The following RORA variants were observed in gnomAD, a reference collection of about 807,000 sequenced individuals.
RORA encodes nuclear receptor ROR-alpha.
A neutral mutation model predicts 69.5 loss-of-function variants in RORA; 7 were observed. The observed-to-expected ratio is 0.10, with a 90% CI of 0.06 to 0.19. RORA has a LOEUF of 0.19. RORA is among the 10% of genes least tolerant of loss of function. The pLI is 1.00. For missense variants in RORA, 457 were observed against 663.0 expected (o/e 0.69, Z 3.41); for synonymous variants, 261 against 240.8 (o/e 1.08, Z -0.78).
intron 3 of RORA, among the ~76,000 whole-genome samples, 189 bp from the exon 4 acceptor site, chr15:60,514,946 G>A (rs553172808): frequency 8.5e-5 from 13 of 152,210 alleles, no homozygotes; most frequent in East Asian, 5.8e-4. Context: ...GATCCCCAGA[G>A]CCTAATCCTC....
chr15:61,076,226 C>T (rs1434642114), intron 1 of RORA, among the ~76,000 whole-genome samples: 1 of 152,112 alleles, frequency 6.6e-6, no homozygotes, highest in South Asian at 2.1e-4. Flanking sequence ...AGGGTAGGGC[C>T]AAAGAATATG....
chr15:60,834,519 A>C (rs931564451), intron 1 of RORA, among the ~76,000 whole-genome samples: 4 of 152,216 alleles, frequency 2.6e-5, no homozygotes, highest in African/African-American at 9.6e-5. Flanking sequence ...TGCTATTTTC[A>C]GGTGCTCTCT....
intron 1 of RORA, among the ~76,000 whole-genome samples, chr15:60,838,636 C>T (rs530656583): frequency 9.2e-5 from 14 of 152,296 alleles, no homozygotes; most frequent in Middle Eastern, 3.4e-3. Flanking sequence ...GACGTAATGG[C>T]GTCTTTTATT....
intron 3 of RORA, among the ~76,000 whole-genome samples, chr15:60,516,231 ATATT>A (rs1567052704): frequency 3.4e-5 from 2 of 59,176 alleles, no homozygotes; most frequent in Admixed American, 2.9e-4. Flanking sequence ...ATTTATATAT[ATATT>A]TATATATATA....
chr15:60,930,415 G>A (rs970561037), intron 1 of RORA, among the ~76,000 whole-genome samples: 10 of 152,144 alleles, frequency 6.6e-5, no homozygotes, highest in African/African-American at 1.9e-4. Context: ...CATGTGGGAC[G>A]GTGGGAGGCA....
intron 2 of RORA, among the ~76,000 whole-genome samples, chr15:60,638,506 G>T (rs780918098): frequency 1.3e-5 from 2 of 150,564 alleles, no homozygotes; most frequent in Non-Finnish European, 2.9e-5. Flanking sequence ...GTTACAAAAA[G>T]TGGATTTTCT....
At position 60,869,568 on chromosome 15, in the gene RORA, GTGGGCAGGTCTGA is replaced by G. The variant is rs1389821387; in HGVS notation, c.167-190895_167-190883del. Among the ~76,000 whole-genome samples, 25 of 152,358 alleles carry G rather than the reference GTGGGCAGGTCTGA, an allele frequency of 1.6e-4. No individual in the cohort carries two copies. The East Asian group carries it at 4.8e-3, about 29-fold the overall frequency. ...GACTCTTATCAACAGGAGATTGCCA[GTGGGCAGGTCTGA>G]TGGCACACAATGTCCGGCATGTGGC... On this transcript the variant is annotated intron_variant, in intron 1 of 10. Coordinates refer to ENST00000335670, the MANE Select transcript of RORA (RefSeq NM_134261.3).
At chr15:60,712,866 G>A (rs1321547873) in intron 1 of RORA, among the ~76,000 whole-genome samples, 1 of 152,238 alleles carries the variant, frequency 6.6e-6, no homozygotes, top group South Asian at 2.1e-4. Flanking sequence ...CTTTCTATGG[G>A]AGAAAAACCC....
At chr15:60,710,095 G>A (rs1365780396) in intron 1 of RORA, among the ~76,000 whole-genome samples, 22 of 152,210 alleles carry the variant, frequency 1.4e-4, no homozygotes, top group Admixed American at 1.3e-3. Flanking sequence ...CTGGAGGCCC[G>A]ATAGGAGAGA....
chr15:60,588,000 C>G (rs1357066903), intron 2 of RORA, among the ~76,000 whole-genome samples: 1 of 152,156 alleles, frequency 6.6e-6, no homozygotes, highest in Admixed American at 6.5e-5. Context: ...CTGACTACGA[C>G]TCTCTCAGTT....
chr15:60,713,867 C>T (rs1034018946), intron 1 of RORA, among the ~76,000 whole-genome samples: 8 of 152,214 alleles, frequency 5.3e-5, no homozygotes, highest in East Asian at 1.9e-4. Context: ...GGATCTGCAA[C>T]GCAGAGTAAC....
chr15:61,035,949 C>T (rs1595901223), intron 1 of RORA, among the ~76,000 whole-genome samples: 2 of 152,034 alleles, frequency 1.3e-5, no homozygotes, highest in African/African-American at 4.8e-5. Context: ...GACATAAATG[C>T]TAAGAGGGAA....
intron 1 of RORA, among the ~76,000 whole-genome samples, chr15:61,140,415 A>G: frequency 6.6e-6 from 1 of 152,188 alleles, no homozygotes; most frequent in East Asian, 1.9e-4. Context: ...TTAAAGACTC[A>G]GTTTAAATGC....
At chr15:60,615,615 T>A (rs1211325014) in intron 2 of RORA, among the ~76,000 whole-genome samples, 1 of 152,212 alleles carries the variant, frequency 6.6e-6, no homozygotes, top group Non-Finnish European at 1.5e-5. Flanking sequence ...GAGCTCACGA[T>A]AGCCCAGGTC....
chr15:60,747,336 T>TGA (rs1439989950), intron 1 of RORA, among the ~76,000 whole-genome samples: 4 of 152,178 alleles, frequency 2.6e-5, no homozygotes, highest in African/African-American at 9.7e-5. Context: ...CAAGGGAGTA[T>TGA]GAGAACACTG....
chr15:60,688,875 A>G (rs1253487653), intron 1 of RORA, among the ~76,000 whole-genome samples: 1 of 152,216 alleles, frequency 6.6e-6, no homozygotes, highest in Non-Finnish European at 1.5e-5. Context: ...TATAGGGCAT[A>G]TGACTACAGT....
chr15:60,553,701 C>T (rs1470275013), intron 2 of RORA, among the ~76,000 whole-genome samples: 1 of 152,128 alleles, frequency 6.6e-6, no homozygotes, highest in Non-Finnish European at 1.5e-5. Flanking sequence ...GCCCTCTGCC[C>T]CAACCCCATA....
At chr15:60,819,981 G>A (rs2072872673) in intron 1 of RORA, among the ~76,000 whole-genome samples, 1 of 152,252 alleles carries the variant, frequency 6.6e-6, no homozygotes, top group Non-Finnish European at 1.5e-5. Flanking sequence ...CCCCAGGGCA[G>A]TCTGGAAGGA....
At chr15:61,120,516 G>A (rs976869982) in intron 1 of RORA, among the ~76,000 whole-genome samples, 2 of 151,838 alleles carry the variant, frequency 1.3e-5, no homozygotes, top group African/African-American at 4.8e-5. Context: ...TGGCTAACAC[G>A]ATGAAACCCC....
Sources: allele counts gnomAD v4.1 joint callset (sites outside exome capture counted in the v4.1 genomes callset), GRCh38; gene constraint gnomAD v4.1.1; transcripts MANE v1.5; gene names NCBI Gene and HGNC (gene_info 2026-07-23, HGNC 2026-07-21).